AXIN1: variants seen among roughly 807,000 people sequenced by gnomAD.
AXIN1 encodes the protein axin-1.
A neutral mutation model predicts 76.4 loss-of-function variants in AXIN1; 30 were observed. The ratio of observed to expected loss-of-function variants is 0.39; its 90% CI spans 0.29 to 0.53. The LOEUF (loss-of-function observed/expected upper bound fraction) is 0.53. Among genes scored for constraint, AXIN1 ranks in the 20% least tolerant of loss-of-function variants. The probability of loss-of-function intolerance (pLI) is 0.66; values close to 1 mark genes in which losing one functional copy is unlikely to be tolerated. For synonymous variants in AXIN1, 545 were observed against 501.4 expected, an observed-to-expected ratio of 1.09 and a Z score of -1.16; for missense variants, 1,140 against 1,198.8, an observed-to-expected ratio of 0.95 and a Z score of 0.72.
Position 291,214 on chromosome 16 carries a change from G to C in AXIN1, c.2270C>G (p.Ser757Trp), listed in dbSNP as rs781493273. The C allele has an allele frequency of 6.3e-7, 1 of 1,588,174 alleles. No individual in the cohort carries two copies. Among genetic ancestry groups the C allele is most frequent in the Non-Finnish European group, 8.6e-7 (1 of 1,168,236 alleles). The stretch of plus-strand genomic sequence containing the variant: ...CTCTGTCTCGGAGAGCTCCATGTCC[G>C]ACACGGCTGGTACCACGTGCAGCAC... ...APVLHVVPAV[S>W]DMELSETETR... Residue 757 changes from serine to tryptophan, a missense_variant, in exon 9 of 11, where the codon TCG (serine) becomes TGG (tryptophan). This residue lies in a region of AXIN1 where 429 missense variants were observed against 405.8 expected (regional missense o/e 1.06). Transcript: ENST00000262320.
intron 2 of AXIN1, among the ~76,000 whole-genome samples, chr16:317,984 C>T (rs9746347): frequency 0.033 from 5,004 of 152,368 alleles, 273 homozygotes; most frequent in African/African-American, 0.11. Context: ...AAGAAGTCTA[C>T]GTCCACGGCA....
In AXIN1 at chr16:293,099, G is replaced by A. The variant is rs1002030172; in HGVS notation, c.2186+389C>T. The A allele has an allele frequency of 3.9e-5, 11 of 284,866 alleles. No homozygotes were observed. Among genetic ancestry groups the A allele is most frequent in the Non-Finnish European group, 5.4e-5 (8 of 149,034 alleles). 17.6% of individuals were successfully genotyped at this position (284,866 alleles called of 1,614,324 possible). ...GCTCCTGGGACGCAACTGTCAAGAG[G>A]CAGCCGCCATGCCTCCAGGACCTCT... On this transcript the variant is annotated intron_variant, in intron 8 of 10. Coordinates refer to ENST00000262320, the MANE Select transcript of AXIN1 (RefSeq NM_003502.4). This position sits in a 1 kb window ranked among gnomAD's most constrained non-coding sequence, Gnocchi z 4.6.
intron 1 of AXIN1, among the ~76,000 whole-genome samples, chr16:351,953 G>C (rs920448829): frequency 6.6e-6 from 1 of 152,172 alleles, no homozygotes; most frequent in Admixed American, 6.5e-5. Context: ...TGGGCAGCAA[G>C]GCATCAACCT....
chr16:323,114 CCT>C (rs1375514937), intron 2 of AXIN1, among the ~76,000 whole-genome samples: 4 of 151,970 alleles, frequency 2.6e-5, no homozygotes, highest in Non-Finnish European at 4.4e-5. Flanking sequence ...AGGTCAAGAC[CCT>C]GTCTTGAAAG....
At position 339,785 on chromosome 16, in the gene AXIN1, G is replaced by T. The variant is rs117974129; in HGVS notation, c.878+6363C>A. On this transcript the variant is annotated intron_variant, in intron 2 of 10. Coordinates refer to ENST00000262320, the MANE Select transcript of AXIN1 (RefSeq NM_003502.4). ...CAGGCAAGGGGAGCCCACGCAAGGGGCAGTATGGCTCACAAGCACCTCTGC... is the reference window on the plus strand; with the variant it reads ...CAGGCAAGGGGAGCCCACGCAAGGGTCAGTATGGCTCACAAGCACCTCTGC... Among the ~76,000 whole-genome samples the T allele has an allele frequency of 9.6e-3, 1,461 of 152,240 alleles. 19 individuals carry two copies. Among genetic ancestry groups the T allele is most frequent in the Middle Eastern group, 0.014 (4 of 294 alleles).
intron 7 of AXIN1, among the ~76,000 whole-genome samples, chr16:295,423 G>T (rs1401053034): frequency 6.6e-6 from 1 of 151,778 alleles, no homozygotes; most frequent in Non-Finnish European, 1.5e-5. Flanking sequence ...CAGCTTTACT[G>T]GGATACAAAT....
chr16:338,391 C>T (rs2053849503), intron 2 of AXIN1, among the ~76,000 whole-genome samples: 3 of 152,232 alleles, frequency 2.0e-5, no homozygotes, highest in African/African-American at 7.2e-5. Flanking sequence ...ACAGTCTCAT[C>T]GGCACGTCTG....
intron 4 of AXIN1, among the ~76,000 whole-genome samples, chr16:309,156 C>G (rs2053106209): frequency 6.6e-6 from 1 of 152,010 alleles, no homozygotes. Flanking sequence ...CGGTGAAACC[C>G]CATCTCTACT....
At chr16:323,410 G>A (rs2053504294) in intron 2 of AXIN1, among the ~76,000 whole-genome samples, 1 of 138,802 alleles carries the variant, frequency 7.2e-6, no homozygotes, top group South Asian at 2.3e-4. Context: ...CTGCACTCCA[G>A]CCTGGGCGAC....
chr16:297,589 T>G (rs2052748912), intron 6 of AXIN1, 133 bp downstream of exon 6: 2 of 1,302,426 alleles, frequency 1.5e-6, no homozygotes, highest in Admixed American at 2.8e-5. Context: ...CCCAGTCCAC[T>G]CCCTCCAGCA....
At chr16:334,139 GC>G (rs1188337242) in intron 2 of AXIN1, among the ~76,000 whole-genome samples, 1 of 147,676 alleles carries the variant, frequency 6.8e-6, no homozygotes, top group Non-Finnish European at 1.5e-5. Context: ...CAGTACCACG[GC>G]ATGCCAATAA....
At position 346,300 on chromosome 16, in the gene AXIN1, A is replaced by C; in HGVS notation, c.726T>G (p.Asn242Lys). The C allele has an allele frequency of 6.2e-7, 1 of 1,614,124 alleles. No homozygotes were observed. The highest frequency in any genetic ancestry group is 8.5e-7 in the Non-Finnish European group (1 of 1,180,020). Residue 242 changes from asparagine (N) to lysine (K), a missense_variant, in exon 2 of 11, where the codon AAT becomes AAG. Coordinates refer to ENST00000262320, the MANE Select transcript of AXIN1 (RefSeq NM_003502.4). ...GGTCACACTTCCATTCCTCATCTTC[A>C]TTTAAGGTCGGCAGGTATCCAGATA... ...KGISGYLPTLNEDEEWKCDQD... is the reference protein window; with the variant it reads ...KGISGYLPTLKEDEEWKCDQD...
intron 1 of AXIN1, among the ~76,000 whole-genome samples, chr16:351,055 C>G (rs1051151747): frequency 2.0e-5 from 3 of 150,606 alleles, no homozygotes. Context: ...TCGCTTGAAC[C>G]TGGGAGGCGG....
At chr16:341,915 A>G (rs1039201676) in intron 2 of AXIN1, among the ~76,000 whole-genome samples, 8 of 152,206 alleles carry the variant, frequency 5.3e-5, no homozygotes, top group Non-Finnish European at 8.8e-5. Context: ...CTCTGTATCT[A>G]GCTAATCTGG....
chr16:287,829 G>C lies in AXIN1; in HGVS notation c.*293C>G. ...TGCCCAAGGGAGGTGCCGGGGGATG[G>C]GGGGGGGTCACCTGAAGCTGGCAGC... On this transcript the variant is annotated 3_prime_UTR_variant, in exon 11 of 11. Transcript: ENST00000262320. 5.8e-6 allele frequency: 3 copies of C among 517,538 alleles called. No individual in the cohort carries two copies. The highest frequency in any genetic ancestry group is 4.1e-5 in the South Asian group (2 of 49,234). 32.1% of individuals were successfully genotyped at this position (517,538 alleles called of 1,614,324 possible).
At chr16:346,088 G>A (rs2141699444) in intron 2 of AXIN1, 60 bp downstream of exon 2, 1 of 1,562,586 alleles carries the variant, frequency 6.4e-7, no homozygotes, top group Non-Finnish European at 8.8e-7. Context: ...ACCTTTCCCT[G>A]GCTTGTTCTC....
intron 2 of AXIN1, among the ~76,000 whole-genome samples, chr16:320,199 A>G (rs1393028436): frequency 6.6e-6 from 1 of 151,900 alleles, no homozygotes; most frequent in Non-Finnish European, 1.5e-5. Flanking sequence ...GGCGCACACT[A>G]CCACTCCTGG....
chr16:314,923 C>T (rs1025848064), intron 2 of AXIN1, among the ~76,000 whole-genome samples: 9 of 152,146 alleles, frequency 5.9e-5, no homozygotes, highest in Admixed American at 2.6e-4. Context: ...TGATTTTAGG[C>T]GGGGGCTTTG....
At chr16:337,518 G>A (rs1005005007) in intron 2 of AXIN1, among the ~76,000 whole-genome samples, 6 of 130,276 alleles carry the variant, frequency 4.6e-5, no homozygotes, top group South Asian at 2.4e-4. Flanking sequence ...AAAAAAAAAA[G>A]CACTGGAGCA....
Sources: allele counts gnomAD v4.1 joint callset (sites outside exome capture counted in the v4.1 genomes callset), GRCh38; gene constraint gnomAD v4.1.1; regional missense constraint gnomAD v4.1.1; non-coding constraint Gnocchi (gnomAD v3.1); transcripts MANE v1.5; gene names NCBI Gene and HGNC (gene_info 2026-07-23, HGNC 2026-07-21).